The following SYNE1 variants were observed in gnomAD, a reference collection of about 807,000 sequenced individuals.
SYNE1 encodes the protein nesprin-1.
In SYNE1, 616 loss-of-function variants were observed where a neutral mutation model predicts 1,111.0. The observed-to-expected ratio is 0.55, with a 90% CI of 0.52 to 0.59. The LOEUF (loss-of-function observed/expected upper bound fraction) is 0.59. Among genes scored for constraint, SYNE1 ranks in the 20% least tolerant of loss-of-function variants. The pLI, the probability that SYNE1 is intolerant of heterozygous loss-of-function variation, is 0.00. For synonymous variants in SYNE1, 3,855 were observed against 3,825.8 expected, an observed-to-expected ratio of 1.01 and a Z score of -0.28; for missense variants, 10,006 against 10,417.0, an observed-to-expected ratio of 0.96 and a Z score of 1.72.
chr6:152,271,932 A>C (rs6904737), intron 98 of SYNE1, among the ~76,000 whole-genome samples: 18,440 of 152,176 alleles, frequency 0.12, 1,185 homozygotes, highest in East Asian at 0.18. Context: ...CCCTTGGAAA[A>C]TTCTCCGAGC....
intron 6 of SYNE1, among the ~76,000 whole-genome samples, chr6:152,512,086 T>A (rs950016760): frequency 9.5e-6 from 1 of 105,054 alleles, no homozygotes. Context: ...TGTTTGTACA[T>A]TTTTTTTATT....
intron 75 of SYNE1, among the ~76,000 whole-genome samples, chr6:152,337,365 C>T (rs2096420043): frequency 6.6e-6 from 1 of 151,898 alleles, no homozygotes; most frequent in Non-Finnish European, 1.5e-5. Context: ...TCTCGGCTCA[C>T]AGCAATCTCT....
At chr6:152,400,704 T>C (rs1161019857) in intron 47 of SYNE1, among the ~76,000 whole-genome samples, 2 of 152,008 alleles carry the variant, frequency 1.3e-5, no homozygotes, top group Non-Finnish European at 2.9e-5. Flanking sequence ...AAATAGAATG[T>C]TTTCTCAACT....
At chr6:152,328,474 C>T (rs1367617514) in intron 78 of SYNE1, among the ~76,000 whole-genome samples, 9 of 151,658 alleles carry the variant, frequency 5.9e-5, no homozygotes, top group Non-Finnish European at 7.4e-5. Flanking sequence ...GTCATGATCT[C>T]GGCTCACTGC....
intron 32 of SYNE1, among the ~76,000 whole-genome samples, chr6:152,440,567 ATTT>A (rs10700163): frequency 1.6e-5 from 2 of 122,718 alleles, no homozygotes; most frequent in Non-Finnish European, 3.3e-5. Flanking sequence ...TTGCCTCCAG[ATTT>A]TTTTTTTTTT....
chr6:152,201,888 T>C lies in SYNE1; in HGVS notation c.23081A>G (p.Lys7694Arg). Reference sequence around the variant, plus strand: ...ATCCGGGAGAGACTGCGAAAGCTTCTTTTTGAAAGTTCGTAGTTTCTCCAG... The same window carrying C: ...ATCCGGGAGAGACTGCGAAAGCTTCCTTTTGAAAGTTCGTAGTTTCTCCAG... ...DSLEKLRTFKKKLSQSLPDHH... is the reference protein window; with the variant it reads ...DSLEKLRTFKRKLSQSLPDHH... The change falls in exon 127 of 146, where the codon AAG (lysine) becomes AGG (arginine). Residue 7694 changes from lysine to arginine, a missense_variant. Physicochemically the swap from Lys to Arg is conservative, Grantham distance 26. Coordinates refer to ENST00000367255, the MANE Select transcript of SYNE1 (RefSeq NM_182961.4). The C allele has an allele frequency of 2.5e-6, 4 of 1,614,004 alleles. No individual in the cohort carries two copies. Among genetic ancestry groups the C allele is most frequent in the Non-Finnish European group, 3.4e-6 (4 of 1,179,852 alleles).
intron 73 of SYNE1, among the ~76,000 whole-genome samples, chr6:152,346,626 C>A (rs1057458661): frequency 1.3e-5 from 2 of 151,840 alleles, no homozygotes; most frequent in African/African-American, 2.4e-5. Context: ...CTGGCTAACA[C>A]GGTGAAACCC....
intron 128 of SYNE1, among the ~76,000 whole-genome samples, chr6:152,182,042 T>C (rs1291248934): frequency 6.6e-6 from 1 of 152,238 alleles, no homozygotes; most frequent in East Asian, 1.9e-4. Context: ...TAGCCATTTG[T>C]ATATCTCCTT....
intron 3 of SYNE1, among the ~76,000 whole-genome samples, chr6:152,568,602 C>T (rs2099428996): frequency 6.6e-6 from 1 of 151,810 alleles, no homozygotes; most frequent in African/African-American, 2.4e-5. Context: ...TGCACCTGGC[C>T]TATTTATTTA....
chr6:152,309,652 T>G (rs1246963932), intron 90 of SYNE1, among the ~76,000 whole-genome samples, 183 bp downstream of exon 90: 1 of 152,214 alleles, frequency 6.6e-6, no homozygotes, highest in Non-Finnish European at 1.5e-5. Context: ...TATATAGCAT[T>G]CCCCAGGCTT....
intron 103 of SYNE1, 49 bp from the exon 104 acceptor site, chr6:152,255,138 T>C (rs1562539263): frequency 7.0e-7 from 1 of 1,420,404 alleles, no homozygotes; most frequent in Non-Finnish European, 9.7e-7. Context: ...CATGAATTGA[T>C]ATGCAAATCA....
At chr6:152,229,072 C>A (rs1382441456) in intron 115 of SYNE1, among the ~76,000 whole-genome samples, 2 of 152,158 alleles carry the variant, frequency 1.3e-5, no homozygotes, top group Non-Finnish European at 2.9e-5. Context: ...TGATTAAGTG[C>A]TTAAATATAC....
In SYNE1 at chr6:152,247,854, T is replaced by TC. The variant is rs1562486463; in HGVS notation, c.19572+1306_19572+1307insG. On this transcript the variant is annotated intron_variant, in intron 105 of 145. Coordinates refer to ENST00000367255, the MANE Select transcript of SYNE1 (RefSeq NM_182961.4). ...GCAAACTATTTTGAGAGGTGTTCTT[T>TC]AACACACACACACACACACACACAC... Among the ~76,000 whole-genome samples, 613 of 133,680 alleles carry TC rather than the reference T, an allele frequency of 4.6e-3. 2 individuals carry two copies. The highest frequency in any genetic ancestry group is 0.032 in the East Asian group (146 of 4,550). The allele number at this position is 133,680 out of a possible 152,430, so 87.7% of individuals were successfully genotyped here.
chr6:152,124,224 T>C (rs2052527335), intron 145 of SYNE1, among the ~76,000 whole-genome samples: 3 of 152,262 alleles, frequency 2.0e-5, no homozygotes, highest in Admixed American at 2.0e-4. Flanking sequence ...GAGAATCGCT[T>C]GAACCCGGGA....
rs1342984724 is a variant in SYNE1, at chr6:152,397,049, G to T, written c.7351-69C>A. 4.0e-6 allele frequency: 6 copies of T among 1,518,096 alleles called. No homozygotes were observed. The Admixed American group carries it at 1.0e-4, about 25-fold the overall frequency. The allele number at this position is 1,518,096 out of a possible 1,614,324, so 94.0% of individuals were successfully genotyped here. On this transcript the variant is annotated intron_variant, in intron 49 of 145. Coordinates refer to ENST00000367255, the MANE Select transcript of SYNE1 (RefSeq NM_182961.4). Reference sequence around the variant, plus strand: ...TACAATTGTGAGCTGAAGTAGTAAAGCAGGAGAAGAAAAACAGAGTCCAAA... The same window carrying T: ...TACAATTGTGAGCTGAAGTAGTAAATCAGGAGAAGAAAAACAGAGTCCAAA...
At chr6:152,340,305 T>C (rs1590501062) in intron 74 of SYNE1, among the ~76,000 whole-genome samples, 1 of 151,782 alleles carries the variant, frequency 6.6e-6, no homozygotes, top group South Asian at 2.1e-4. Flanking sequence ...GGTCGGAGGG[T>C]GGGCGGGGGC....
chr6:152,605,788 T>C (rs1486509658), intron 3 of SYNE1, among the ~76,000 whole-genome samples: 1 of 152,226 alleles, frequency 6.6e-6, no homozygotes, highest in Admixed American at 6.5e-5. Flanking sequence ...TTTATAGCTG[T>C]GATTAAGGCT....
At chr6:152,329,170 G>A (rs2096175787) in intron 78 of SYNE1, among the ~76,000 whole-genome samples, 1 of 152,164 alleles carries the variant, frequency 6.6e-6, no homozygotes, top group African/African-American at 2.4e-5. Context: ...AGGCATCACT[G>A]TTATAAGCAA....
chr6:152,369,701 G>T, intron 59 of SYNE1, 87 bp from the exon 60 acceptor site: 1 of 1,526,586 alleles, frequency 6.6e-7, no homozygotes, highest in Non-Finnish European at 8.9e-7. Context: ...AGTCCACCCA[G>T]GCTGGGCACA....
Sources: gnomAD v4.1 joint callset for allele counts (sites outside exome capture counted in the v4.1 genomes callset) on GRCh38, gnomAD v4.1.1 for gene constraint, MANE v1.5 for transcripts, NCBI Gene and HGNC (gene_info 2026-07-23, HGNC 2026-07-21) for gene names.